AGPAT3: variants seen among roughly 807,000 people sequenced by gnomAD.
AGPAT3 encodes 1-acyl-sn-glycerol-3-phosphate acyltransferase gamma.
A neutral mutation model predicts 47.3 loss-of-function variants in AGPAT3; 5 were observed. The observed-to-expected ratio is 0.11, with a 90% confidence interval of 0.06 to 0.22. The LOEUF is 0.22. AGPAT3 is among the 10% of genes least tolerant of loss of function. AGPAT3 has a pLI of 1.00. For missense variants in AGPAT3, 315 were observed against 493.0 expected (o/e 0.64, Z 3.42); for synonymous variants, 212 against 208.3 (o/e 1.02, Z -0.15).
In AGPAT3 at chr21:43,983,947, C is replaced by T. The variant is rs1433646592; in HGVS notation, c.*1555C>T. The T allele has an allele frequency of 6.6e-6, 1 of 152,276 alleles. No homozygotes were observed. The highest frequency in any genetic ancestry group is 1.5e-5 in the Non-Finnish European group (1 of 68,052). 9.4% of individuals were successfully genotyped at this position (152,276 alleles called of 1,614,324 possible). A position where few individuals can be genotyped will look rare whatever the true frequency, so the allele number is the denominator to read the frequency against. ...AAAGTAAACCGAGAACATAATTAGG[C>T]ATCGGGCCTAAGTGTCCTGGGGAGA... On this transcript the variant is annotated 3_prime_UTR_variant, in exon 10 of 10. Coordinates refer to ENST00000291572, the MANE Select transcript of AGPAT3 (RefSeq NM_020132.5).
At chr21:43,914,156 G>A (rs2146116445) in intron 2 of AGPAT3, among the ~76,000 whole-genome samples, 1 of 152,262 alleles carries the variant, frequency 6.6e-6, no homozygotes, top group Middle Eastern at 3.4e-3. Flanking sequence ...TGCTGCACAA[G>A]GCTATGCGCT....
chr21:43,897,795 G>A (rs1037024141), intron 1 of AGPAT3, among the ~76,000 whole-genome samples: 2 of 152,200 alleles, frequency 1.3e-5, no homozygotes, highest in Non-Finnish European at 2.9e-5. Context: ...CAGGCGGCTA[G>A]GAGGTGGAGG....
chr21:43,968,356 T>C (rs1477737020), intron 4 of AGPAT3, among the ~76,000 whole-genome samples: 3 of 148,304 alleles, frequency 2.0e-5, no homozygotes, highest in African/African-American at 7.5e-5. Context: ...GGTGAGCACC[T>C]TCCAGGGGAG....
intron 4 of AGPAT3, 131 bp from the exon 5 acceptor site, chr21:43,968,987 C>T: frequency 2.2e-6 from 2 of 921,386 alleles, no homozygotes; most frequent in Non-Finnish European, 3.2e-6. Flanking sequence ...TCACAGCAGA[C>T]CCCCTGAGCC....
Position 43,933,167 on chromosome 21 carries a change from C to G in AGPAT3, c.-48-26467C>G, listed in dbSNP as rs1195596412. Among the ~76,000 whole-genome samples, 3 of 152,186 alleles carry G rather than the reference C, an allele frequency of 2.0e-5. No homozygotes were observed. Among genetic ancestry groups the G allele is most frequent in the Non-Finnish European group, 2.9e-5 (2 of 68,040 alleles). On this transcript the variant is annotated intron_variant, in intron 2 of 9. Coordinates refer to ENST00000291572, the MANE Select transcript of AGPAT3 (RefSeq NM_020132.5). The surrounding 1 kb of genome is among the most constrained non-coding windows in gnomAD (Gnocchi z 6.0). ...GCTTCTCCCTGATGGTTAATAATGC[C>G]GAACAGCTCTTCGTTAACCTGCTGG... is the stretch of plus-strand genomic sequence containing the variant.
At position 43,934,654 on chromosome 21, in the gene AGPAT3, G is replaced by A. The variant is rs995444977; in HGVS notation, c.-48-24980G>A. Among the ~76,000 whole-genome samples the A allele has an allele frequency of 2.0e-4, 31 of 152,310 alleles. No homozygotes were observed. The highest frequency in any genetic ancestry group is 7.2e-4 in the African/African-American group (30 of 41,560). On this transcript the variant is annotated intron_variant, in intron 2 of 9. Coordinates refer to ENST00000291572, the MANE Select transcript of AGPAT3 (RefSeq NM_020132.5). This position sits in a 1 kb window ranked among gnomAD's most constrained non-coding sequence, Gnocchi z 4.7. ...CTGTGGAGGGGCGGGCTCAAGCCCT[G>A]GTCGTGAGCAGGATGACATTCAGAT... is the stretch of plus-strand genomic sequence containing the variant.
intron 2 of AGPAT3, among the ~76,000 whole-genome samples, chr21:43,917,158 C>T (rs532206457): frequency 2.5e-4 from 38 of 152,106 alleles, no homozygotes; most frequent in South Asian, 1.5e-3. Context: ...TCAAAGCACA[C>T]GGTAAGCACC....
At chr21:43,878,806 T>G (rs1463317042) in intron 1 of AGPAT3, among the ~76,000 whole-genome samples, 28 of 151,646 alleles carry the variant, frequency 1.8e-4, no homozygotes, top group Non-Finnish European at 1.5e-5. Context: ...GCAATCTCGA[T>G]CTTGGCTCAT....
At chr21:43,895,847 A>G (rs1197926760) in intron 1 of AGPAT3, among the ~76,000 whole-genome samples, 1 of 151,916 alleles carries the variant, frequency 6.6e-6, no homozygotes. Flanking sequence ...GCTCACTGCA[A>G]CCTCCACCTC....
chr21:43,893,876 G>T (rs1439361730), intron 1 of AGPAT3, among the ~76,000 whole-genome samples: 3 of 152,186 alleles, frequency 2.0e-5, no homozygotes, highest in Non-Finnish European at 4.4e-5. Flanking sequence ...ACAGATCACT[G>T]TGACAGGTAT....
At chr21:43,886,083 A>G (rs926439842) in intron 1 of AGPAT3, among the ~76,000 whole-genome samples, 5 of 152,234 alleles carry the variant, frequency 3.3e-5, no homozygotes, top group Non-Finnish European at 7.4e-5. Flanking sequence ...GGGTGGACGC[A>G]GCACCTGCGG....
At chr21:43,882,115 G>A (rs1361797123) in intron 1 of AGPAT3, among the ~76,000 whole-genome samples, 2 of 152,266 alleles carry the variant, frequency 1.3e-5, no homozygotes, top group East Asian at 3.8e-4. Flanking sequence ...TGTCCCTTGG[G>A]TGAGTCCCTC....
At position 43,939,334 on chromosome 21, in the gene AGPAT3, G is replaced by A. The variant is rs923799908; in HGVS notation, c.-48-20300G>A. Among the ~76,000 whole-genome samples, 1 of 152,154 alleles carries A rather than the reference G, an allele frequency of 6.6e-6. No individual in the cohort carries two copies. The highest frequency in any genetic ancestry group is 1.9e-4 in the East Asian group (1 of 5,190). ...ACCCCCGTCGCTGTTGTTGTCGGGG[G>A]CCTCCCGCGCCCCAGGAGGTTTCCC... On this transcript the variant is annotated intron_variant, in intron 2 of 9. Coordinates refer to ENST00000291572, the MANE Select transcript of AGPAT3 (RefSeq NM_020132.5). This position sits in a 1 kb window ranked among gnomAD's most constrained non-coding sequence, Gnocchi z 4.4.
At chr21:43,977,028 T>A (rs950610338) in intron 7 of AGPAT3, among the ~76,000 whole-genome samples, 9 of 152,258 alleles carry the variant, frequency 5.9e-5, no homozygotes, top group African/African-American at 2.2e-4. Flanking sequence ...TCCAACTGAC[T>A]TTTAAAATAA....
chr21:43,884,423 G>A (rs2085925268), intron 1 of AGPAT3, among the ~76,000 whole-genome samples: 1 of 152,196 alleles, frequency 6.6e-6, no homozygotes, highest in South Asian at 2.1e-4. Context: ...GTTTTCTGCT[G>A]TGCGGAGCAT....
intron 2 of AGPAT3, among the ~76,000 whole-genome samples, chr21:43,950,182 G>A (rs1252240504): frequency 6.6e-6 from 1 of 152,206 alleles, no homozygotes; most frequent in East Asian, 1.9e-4. Flanking sequence ...TGATTCGGAG[G>A]CCACTGCAGT....
intron 2 of AGPAT3, among the ~76,000 whole-genome samples, chr21:43,926,535 C>T (rs1021531130): frequency 5.3e-5 from 8 of 151,930 alleles, no homozygotes; most frequent in African/African-American, 1.9e-4. Flanking sequence ...ACGAGAGGAG[C>T]CCCCAGCCCC....
intron 2 of AGPAT3, among the ~76,000 whole-genome samples, chr21:43,937,885 C>G (rs935752400): frequency 6.6e-6 from 1 of 152,180 alleles, no homozygotes; most frequent in Non-Finnish European, 1.5e-5. Flanking sequence ...CCTTCTATAC[C>G]TCAGGCAGGT....
At chr21:43,943,421 T>C (rs961274951) in intron 2 of AGPAT3, among the ~76,000 whole-genome samples, 6 of 152,116 alleles carry the variant, frequency 3.9e-5, no homozygotes, top group Admixed American at 3.3e-4. Flanking sequence ...TCCTCCCTCC[T>C]GCCGTCCCAT....
Sources: allele counts gnomAD v4.1 joint callset (sites outside exome capture counted in the v4.1 genomes callset), GRCh38; gene constraint gnomAD v4.1.1; non-coding constraint Gnocchi (gnomAD v3.1); transcripts MANE v1.5; gene names NCBI Gene and HGNC (gene_info 2026-07-23, HGNC 2026-07-21).